Variants in INPP5A observed in about 807,000 individuals in gnomAD.
The protein encoded by INPP5A is 43 kDa inositol polyphosphate 5-phophatase.
Under a neutral mutation model 65.2 loss-of-function variants are expected in INPP5A, and 14 were observed. That is an observed-to-expected ratio of 0.21 (90% CI 0.14 to 0.34). The LOEUF is 0.34. INPP5A is among the 10% of genes least tolerant of loss of function. The pLI is 1.00. For synonymous variants in INPP5A, 207 were observed against 208.3 expected (o/e 0.99, Z 0.05); for missense variants, 431 against 545.6 (o/e 0.79, Z 2.09).
Position 132,546,811 on chromosome 10 carries a change from C to T in INPP5A, c.75+8640C>T, listed in dbSNP as rs926431089. 2.0e-5 allele frequency among the ~76,000 whole-genome samples: 3 copies of T among 152,228 alleles called. No homozygotes were observed. The highest frequency in any genetic ancestry group is 4.8e-5 in the African/African-American group (2 of 41,472). Reference sequence around the variant, plus strand: ...ACTGTTCTCCCTGGCCCTTCCCTCTCGTTTCTGCCTGGGCCTGCCTGGCTG... The same window carrying T: ...ACTGTTCTCCCTGGCCCTTCCCTCTTGTTTCTGCCTGGGCCTGCCTGGCTG... On this transcript the variant is annotated intron_variant, in intron 1 of 15. Transcript: ENST00000368594. This position sits in a 1 kb window ranked among gnomAD's most constrained non-coding sequence, Gnocchi z 5.7.
rs911667858 is a variant in INPP5A at position 132,741,666 on chromosome 10, C to T, written c.733-7851C>T. Among the ~76,000 whole-genome samples, 9 of 151,952 alleles carry T rather than the reference C, an allele frequency of 5.9e-5. No individual in the cohort carries two copies. The highest frequency in any genetic ancestry group is 7.4e-5 in the Non-Finnish European group (5 of 68,024). ...CGGAATGAAGGTGGACGTTGGTATCCGCGTCCGCTTGCTTTTCTCAATAGC... is the reference window on the plus strand; with the variant it reads ...CGGAATGAAGGTGGACGTTGGTATCTGCGTCCGCTTGCTTTTCTCAATAGC... On this transcript the variant is annotated intron_variant, in intron 9 of 15. Coordinates refer to ENST00000368594, the MANE Select transcript of INPP5A (RefSeq NM_005539.5). The surrounding 1 kb of genome is among the most constrained non-coding windows in gnomAD (Gnocchi z 4.4).
rs1565009120 is a variant in INPP5A at position 132,767,316 on chromosome 10, CGG to C, written c.977+1471_977+1472del. Among the ~76,000 whole-genome samples the C allele has an allele frequency of 1.9e-3, 29 of 15,580 alleles. 4 individuals are homozygous for C. Among genetic ancestry groups the C allele is most frequent in the Admixed American group, 0.011 (10 of 928 alleles). The allele number at this position is 15,580 out of a possible 152,430, so 10.2% of individuals were successfully genotyped here. A position where few individuals can be genotyped will look rare whatever the true frequency, so the allele number is the denominator to read the frequency against. ...GGGTGGGAGCTGGAGGATGCGGCCT[CGG>C]AGCTTGGGTGGGAGCTGGAGGATGT... On this transcript the variant is annotated intron_variant, in intron 12 of 15. Coordinates refer to ENST00000368594, the MANE Select transcript of INPP5A (RefSeq NM_005539.5).
At chr10:132,588,547 C>T (rs778727952) in intron 1 of INPP5A, among the ~76,000 whole-genome samples, 1 of 152,368 alleles carries the variant, frequency 6.6e-6, no homozygotes, top group Non-Finnish European at 1.5e-5. Context: ...ATAAGCGAGT[C>T]GTGCGGGGCA....
At chr10:132,740,141 A>G (rs1846248195) in intron 9 of INPP5A, among the ~76,000 whole-genome samples, 1 of 152,222 alleles carries the variant, frequency 6.6e-6, no homozygotes. Flanking sequence ...GGCTAACCCC[A>G]CGGGACCAGT....
chr10:132,708,333 C>T lies in INPP5A; in HGVS notation c.495C>T (p.Gly165=). Residue 165 remains glycine, a synonymous_variant, in exon 7 of 16, where the codon GGC becomes GGT. Transcript: ENST00000368594. ...YFPECKWSRK[G]FIRTRWCIAD... is the part of the protein sequence containing the mutation. The stretch of plus-strand genomic sequence containing the variant: ...TTCAGTGCAAATGGTCAAGAAAAGG[C>T]TTCATCCGGACGAGGTGGTGCATTG... 1 of 1,614,162 alleles carries T rather than the reference C, an allele frequency of 6.2e-7. No homozygotes were observed. Among genetic ancestry groups the T allele is most frequent in the Non-Finnish European group, 8.5e-7 (1 of 1,179,994 alleles).
In INPP5A at chr10:132,697,900, C is replaced by T. The variant is rs376592087; in HGVS notation, c.455C>T (p.Pro152Leu). Residue 152 changes from proline (P) to leucine (L), a missense_variant, in exon 6 of 16, where the codon CCG becomes CTG. Pro to Leu is a moderately conservative substitution (Grantham distance 98). Coordinates refer to ENST00000368594, the MANE Select transcript of INPP5A (RefSeq NM_005539.5). The surrounding 1 kb of genome is among the most constrained non-coding windows in gnomAD (Gnocchi z 5.6). The stretch of plus-strand genomic sequence containing the variant: ...CCCATGCTGGAGAAGGAGAAGTTTC[C>T]GCAGGACTACTTCCCCGAGGTACGT... ...STPMLEKEKFPQDYFPECKWS... is the reference protein window; with the variant it reads ...STPMLEKEKFLQDYFPECKWS... The T allele has an allele frequency of 2.5e-6, 4 of 1,611,922 alleles. No individual in the cohort carries two copies. Among genetic ancestry groups the T allele is most frequent in the Non-Finnish European group, 1.7e-6 (2 of 1,178,110 alleles).
rs2070994658 is a variant in INPP5A, at chr10:132,547,574, G to C, written c.75+9403G>C. 1.3e-5 allele frequency among the ~76,000 whole-genome samples: 2 copies of C among 152,150 alleles called. No individual in the cohort carries two copies. The highest frequency in any genetic ancestry group is 4.8e-5 in the African/African-American group (2 of 41,444). ...CGGGAGGCCGGGCACCTGCACCCTC[G>C]CCGTCGCCCTGGGCTGACCTCCCAT... On this transcript the variant is annotated intron_variant, in intron 1 of 15. Transcript: ENST00000368594. The surrounding 1 kb of genome is among the most constrained non-coding windows in gnomAD (Gnocchi z 5.5).
chr10:132,589,596 C>T (rs918756802), intron 1 of INPP5A, among the ~76,000 whole-genome samples: 7 of 152,226 alleles, frequency 4.6e-5, no homozygotes, highest in African/African-American at 1.7e-4. Context: ...GGTTTCTTGC[C>T]GGTGTGCACT....
chr10:132,708,345 G>A lies in INPP5A; in HGVS notation c.507G>A (p.Thr169=), dbSNP rs549435844. 2.6e-5 allele frequency: 42 copies of A among 1,614,138 alleles called. No individual in the cohort carries two copies. The highest frequency in any genetic ancestry group is 1.1e-4 in the South Asian group (10 of 91,078). ...GGTCAAGAAAAGGCTTCATCCGGAC[G>A]AGGTGGTGCATTGCAGACTGGTACG... ...CKWSRKGFIR[T]RWCIADCAFD... Residue 169 remains threonine, a synonymous_variant, in exon 7 of 16, where the codon ACG becomes ACA. Transcript: ENST00000368594.
intron 4 of INPP5A, among the ~76,000 whole-genome samples, chr10:132,668,900 G>A (rs1428935740): frequency 2.0e-5 from 3 of 152,134 alleles, no homozygotes; most frequent in African/African-American, 7.2e-5. Flanking sequence ...GTGAGGCTTT[G>A]TTCTGGGGGA....
At chr10:132,617,339 C>T (rs1422541451) in intron 2 of INPP5A, among the ~76,000 whole-genome samples, 2 of 152,156 alleles carry the variant, frequency 1.3e-5, no homozygotes, top group East Asian at 3.9e-4. Context: ...GGCCCTTCTG[C>T]CTCCTGGTCT....
At chr10:132,621,907 G>T (rs2072115021) in intron 2 of INPP5A, among the ~76,000 whole-genome samples, 1 of 151,818 alleles carries the variant, frequency 6.6e-6, no homozygotes, top group Non-Finnish European at 1.5e-5. Context: ...TGTTCCCAAG[G>T]TTTATTTTCC....
Position 132,726,883 on chromosome 10 carries a change from T to C in INPP5A, c.710T>C (p.Leu237Pro), listed in dbSNP as rs371562189. 34 of 1,610,414 alleles carry C rather than the reference T, an allele frequency of 2.1e-5. No homozygotes were observed. Among genetic ancestry groups the C allele is most frequent in the Non-Finnish European group, 2.7e-5 (32 of 1,177,218 alleles). ...YFVFGDFNFRLDSKSVVETLC... is the reference protein window; with the variant it reads ...YFVFGDFNFRPDSKSVVETLC... ...GTATTTGGTGATTTCAACTTCCGGC[T>C]GGATTCCAAGTCCGTCGTGGAGGTA... Residue 237 changes from leucine (L) to proline (P), a missense_variant, in exon 9 of 16, where the codon CTG becomes CCG. Transcript: ENST00000368594.
intron 4 of INPP5A, among the ~76,000 whole-genome samples, chr10:132,683,309 G>A (rs763863045): frequency 1.5e-4 from 23 of 151,204 alleles, no homozygotes; most frequent in South Asian, 6.3e-4. Context: ...GTTATCCTAT[G>A]TGGAGGGCAC....
At chr10:132,688,860 ATGAG>A (rs1845200761) in intron 4 of INPP5A, among the ~76,000 whole-genome samples, 1 of 151,288 alleles carries the variant, frequency 6.6e-6, no homozygotes, top group Non-Finnish European at 1.5e-5. Context: ...GCGTGTGTGC[ATGAG>A]TTAGTGCATG....
At chr10:132,613,298 C>T (rs1366538343) in intron 2 of INPP5A, among the ~76,000 whole-genome samples, 2 of 151,984 alleles carry the variant, frequency 1.3e-5, no homozygotes, top group Admixed American at 6.5e-5. Flanking sequence ...CCCTCCTTCC[C>T]GAGTCCCCCC....
intron 1 of INPP5A, among the ~76,000 whole-genome samples, chr10:132,539,848 C>T (rs1274672259): frequency 6.6e-6 from 1 of 152,238 alleles, no homozygotes; most frequent in Non-Finnish European, 1.5e-5. Flanking sequence ...AGTTCATGCA[C>T]AGGCTAGGTT....
chr10:132,620,024 T>C (rs2072089780), intron 2 of INPP5A, among the ~76,000 whole-genome samples: 4 of 152,222 alleles, frequency 2.6e-5, no homozygotes, highest in African/African-American at 9.6e-5. Context: ...GCCTGGGCTG[T>C]GTCTGGGGCC....
At chr10:132,653,131 C>T (rs973482387) in intron 4 of INPP5A, among the ~76,000 whole-genome samples, 4 of 152,156 alleles carry the variant, frequency 2.6e-5, no homozygotes, top group African/African-American at 7.2e-5. Context: ...TCCGTCTGTC[C>T]GAGCCTGGCT....
Sources: gnomAD v4.1 joint callset for allele counts (sites outside exome capture counted in the v4.1 genomes callset) on GRCh38, gnomAD v4.1.1 for gene constraint, Gnocchi (gnomAD v3.1) non-coding constraint, MANE v1.5 for transcripts, NCBI Gene and HGNC (gene_info 2026-07-23, HGNC 2026-07-21) for gene names.